Variants in ADHFE1 observed in about 807,000 individuals in gnomAD.
The protein encoded by ADHFE1 is hydroxyacid-oxoacid transhydrogenase, mitochondrial.
Under a neutral mutation model 54.8 loss-of-function variants are expected in ADHFE1, and 37 were observed. That is an observed-to-expected ratio of 0.68 (90% CI 0.52 to 0.89). The LOEUF is 0.89. Among genes scored for constraint, ADHFE1 ranks in the 40% least tolerant of loss-of-function variants. The pLI is 0.00. For missense variants in ADHFE1, 601 were observed against 591.2 expected (o/e 1.02, Z -0.17); for synonymous variants, 203 against 229.3 (o/e 0.89, Z 1.04).
rs78348791 is a variant in ADHFE1 at position 66,463,766 on chromosome 8, G to C, written c.1320+3301G>C. Among the ~76,000 whole-genome samples, 1,004 of 152,280 alleles carry C rather than the reference G, an allele frequency of 6.6e-3. 8 individuals carry two copies. The highest frequency in any genetic ancestry group is 0.023 in the African/African-American group (959 of 41,562). ...TCCTCCAAAGAACGTCACCAGAAAG[G>C]TTATTCAATGTAGTTGACATTTGAT... On this transcript the variant is annotated intron_variant, in intron 13 of 13. Transcript: ENST00000396623.
Position 66,454,096 on chromosome 8 carries a change from C to T in ADHFE1, c.925C>T (p.His309Tyr), listed in dbSNP as rs1359751268. Reference sequence around the variant, plus strand: ...TCCCGATGATCTTGAAGCAAGGTCTCATATGCACTTGGCAAGTGCTTTTGC... The same window carrying T: ...TCCCGATGATCTTGAAGCAAGGTCTTATATGCACTTGGCAAGTGCTTTTGC... ...RNPDDLEARSHMHLASAFAGI... is the reference protein window; with the variant it reads ...RNPDDLEARSYMHLASAFAGI... The change falls in exon 10 of 14, where the codon CAT (histidine) becomes TAT (tyrosine). Residue 309 changes from histidine to tyrosine, a missense_variant. Coordinates refer to ENST00000396623, the MANE Select transcript of ADHFE1 (RefSeq NM_144650.3). The T allele has an allele frequency of 6.2e-7, 1 of 1,614,148 alleles. No homozygotes were observed. The highest frequency in any genetic ancestry group is 8.5e-7 in the Non-Finnish European group (1 of 1,180,014).
intron 12 of ADHFE1, among the ~76,000 whole-genome samples, chr8:66,458,018 T>G (rs1806686996): frequency 6.6e-6 from 1 of 152,196 alleles, no homozygotes; most frequent in Non-Finnish European, 1.5e-5. Flanking sequence ...TTTGCCATAC[T>G]GTAGAATAAA....
chr8:66,441,444 T>A (rs1465986893), intron 2 of ADHFE1, among the ~76,000 whole-genome samples: 1 of 152,124 alleles, frequency 6.6e-6, no homozygotes, highest in Non-Finnish European at 1.5e-5. Context: ...TGAGTTTTGG[T>A]TAAGGATGCC....
At chr8:66,461,734 A>G (rs772808797) in intron 13 of ADHFE1, among the ~76,000 whole-genome samples, 5 of 151,980 alleles carry the variant, frequency 3.3e-5, no homozygotes, top group African/African-American at 1.2e-4. Context: ...CCAACTCTCA[A>G]GAAAAATCAG....
In ADHFE1 at chr8:66,436,018, C is replaced by T. The variant is rs148390718; in HGVS notation, c.59+3443C>T. 8.3e-3 allele frequency among the ~76,000 whole-genome samples: 1,242 copies of T among 149,996 alleles called. 17 individuals are homozygous for T. Among genetic ancestry groups the T allele is most frequent in the African/African-American group, 0.029 (1,186 of 40,618 alleles). On this transcript the variant is annotated intron_variant, in intron 1 of 13. Coordinates refer to ENST00000396623, the MANE Select transcript of ADHFE1 (RefSeq NM_144650.3). The stretch of plus-strand genomic sequence containing the variant: ...GCAACCTCCACCTCCTGGGTTCGAG[C>T]GATTCTTCTGCCTCAGCCTGCTGAG...
At chr8:66,442,724 C>A (rs1805823326) in intron 2 of ADHFE1, 74 bp from the exon 3 acceptor site, 3 of 1,324,078 alleles carry the variant, frequency 2.3e-6, no homozygotes, top group East Asian at 2.3e-5. Context: ...ATGTTCACTG[C>A]TGGATTTTAC....
chr8:66,433,041 C>A, intron 1 of ADHFE1: 1 of 344,936 alleles, frequency 2.9e-6, no homozygotes, highest in Non-Finnish European at 4.1e-6. Context: ...CTATAGCAGA[C>A]TGGGTGTAGA....
intron 2 of ADHFE1, among the ~76,000 whole-genome samples, chr8:66,442,532 C>T (rs932290538): frequency 6.6e-6 from 1 of 152,054 alleles, no homozygotes; most frequent in African/African-American, 2.4e-5. Flanking sequence ...AGGATGATCT[C>T]GATCTCCTGA....
chr8:66,436,012 T>A (rs1316154341), intron 1 of ADHFE1, among the ~76,000 whole-genome samples: 3 of 150,256 alleles, frequency 2.0e-5, no homozygotes, highest in Non-Finnish European at 3.0e-5. Context: ...ACCTCCTGGG[T>A]TCGAGCGATT....
chr8:66,440,319 A>G (rs1805683678), intron 2 of ADHFE1, 120 bp downstream of exon 2: 3 of 896,806 alleles, frequency 3.3e-6, no homozygotes, highest in Admixed American at 4.7e-5. Context: ...CCATGAAAAC[A>G]GTTACCATTT....
At chr8:66,434,687 A>G (rs1199578892) in intron 1 of ADHFE1, among the ~76,000 whole-genome samples, 1 of 152,242 alleles carries the variant, frequency 6.6e-6, no homozygotes, top group East Asian at 1.9e-4. Flanking sequence ...TCTGCCCAAC[A>G]CATTCCATAG....
chr8:66,435,366 G>A (rs76968987), intron 1 of ADHFE1, among the ~76,000 whole-genome samples: 2,633 of 152,178 alleles, frequency 0.017, 90 homozygotes, highest in African/African-American at 0.06. Flanking sequence ...TCTTGAGTAA[G>A]GCTCAGAGGT....
At chr8:66,437,729 T>C (rs1395648677) in intron 1 of ADHFE1, among the ~76,000 whole-genome samples, 1 of 152,140 alleles carries the variant, frequency 6.6e-6, no homozygotes, top group Non-Finnish European at 1.5e-5. Context: ...TGAGAAACAG[T>C]AGATCCTGCC....
At chr8:66,458,493 G>A (rs1301689620) in intron 12 of ADHFE1, among the ~76,000 whole-genome samples, 1 of 152,198 alleles carries the variant, frequency 6.6e-6, no homozygotes, top group Non-Finnish European at 1.5e-5. Context: ...GCCATATTTT[G>A]GGACTCAGCT....
Position 66,444,694 on chromosome 8 carries a change from A to T in ADHFE1, c.299A>T (p.Asn100Ile). Residue 100 changes from asparagine (N) to isoleucine (I), a missense_variant, in exon 5 of 14, where the codon AAT becomes ATT. Transcript: ENST00000396623. ...VQVAMDSLVK[N>I]GIPFTVYDNV... ...GTAGCTATGGATTCCCTAGTGAAGA[A>T]TGGCATCCCCTTTACGGTTTATGAT... is the stretch of plus-strand genomic sequence containing the variant. 1 of 1,614,210 alleles carries T rather than the reference A, an allele frequency of 6.2e-7. No homozygotes were observed. The highest frequency in any genetic ancestry group is 1.1e-5 in the South Asian group (1 of 91,078).
rs60104059 is a variant in ADHFE1, at chr8:66,459,431, T to TATATATA, written c.1163-877_1163-876insATATATA. The TATATATA allele has an allele frequency of 9.1e-3, 865 of 95,368 alleles. 3 individuals are homozygous for TATATATA. The highest frequency in any genetic ancestry group is 0.025 in the Middle Eastern group (5 of 198). 5.9% of individuals were successfully genotyped at this position (95,368 alleles called of 1,614,324 possible). On this transcript the variant is annotated intron_variant, in intron 12 of 13. Transcript: ENST00000396623. ...TTTATTATATATATATATATATATA[T>TATATATA]TTTTTTTTTTTTTTTAACAGAGACA...
At chr8:66,448,157 G>A (rs78921147) in intron 7 of ADHFE1, among the ~76,000 whole-genome samples, 2,228 of 152,186 alleles carry the variant, frequency 0.015, 61 homozygotes, top group African/African-American at 0.051. Flanking sequence ...TGGCTAATGC[G>A]GTAGAAATGT....
chr8:66,463,112 A>G (rs1271684684), intron 13 of ADHFE1, among the ~76,000 whole-genome samples: 17 of 152,170 alleles, frequency 1.1e-4, no homozygotes, highest in Admixed American at 1.1e-3. Context: ...GTGAGCCACC[A>G]CAACTGGCCC....
intron 1 of ADHFE1, among the ~76,000 whole-genome samples, chr8:66,434,388 G>A (rs1047019286): frequency 1.3e-5 from 2 of 151,582 alleles, no homozygotes; most frequent in Non-Finnish European, 1.5e-5. Flanking sequence ...CCATCCATGC[G>A]TATGGAGGAC....
Sources: gnomAD v4.1 joint callset for allele counts (sites outside exome capture counted in the v4.1 genomes callset) on GRCh38, gnomAD v4.1.1 for gene constraint, MANE v1.5 for transcripts, NCBI Gene and HGNC (gene_info 2026-07-23, HGNC 2026-07-21) for gene names.